PLCE1: variants seen among roughly 807,000 people sequenced by gnomAD.
PLCE1 encodes the protein 1-phosphatidylinositol 4,5-bisphosphate phosphodiesterase epsilon-1.
PLCE1 carries 119 observed loss-of-function variants against 242.8 expected under a neutral mutation model. That is an observed-to-expected ratio of 0.49 (90% confidence interval 0.42 to 0.57). The LOEUF is 0.57. Ranked by LOEUF, PLCE1 falls within the 20% of genes least tolerant of loss-of-function variation. PLCE1 has a pLI of 0.00. For missense variants in PLCE1, 2,441 were observed against 2,788.8 expected, an observed-to-expected ratio of 0.88 and a Z score of 2.81; for synonymous variants, 945 against 1,017.4, an observed-to-expected ratio of 0.93 and a Z score of 1.35.
intron 22 of PLCE1, chr10:94,287,604 C>G (rs758900697): frequency 6.6e-6 from 1 of 152,016 alleles, no homozygotes; most frequent in Non-Finnish European, 1.5e-5. Flanking sequence ...CCTGTCAGCT[C>G]CCAGGGGTGG....
chr10:94,312,360 T>G (rs964679025), intron 27 of PLCE1, among the ~76,000 whole-genome samples: 3 of 152,224 alleles, frequency 2.0e-5, no homozygotes, highest in Admixed American at 2.0e-4. Context: ...ATGGCTGTGC[T>G]TTTGCCTGCA....
intron 4 of PLCE1, among the ~76,000 whole-genome samples, chr10:94,208,482 C>T (rs759738102): frequency 1.7e-4 from 26 of 152,172 alleles, no homozygotes; most frequent in Non-Finnish European, 2.5e-4. Flanking sequence ...TGTGGTCCCC[C>T]GACCAGCACA....
At chr10:94,206,908 T>TAC (rs2049173183) in intron 4 of PLCE1, among the ~76,000 whole-genome samples, 1 of 152,252 alleles carries the variant, frequency 6.6e-6, no homozygotes, top group Non-Finnish European at 1.5e-5. Flanking sequence ...AACTTTAAAG[T>TAC]ACAGCTGTCA....
chr10:94,006,402 G>A (rs1452821583), intron 1 of PLCE1, among the ~76,000 whole-genome samples: 1 of 152,208 alleles, frequency 6.6e-6, no homozygotes, highest in East Asian at 1.9e-4. Context: ...TTTCTACTGT[G>A]TGGTGGAAAA....
At chr10:94,230,900 G>A (rs1363046909) in intron 5 of PLCE1, among the ~76,000 whole-genome samples, 2 of 152,170 alleles carry the variant, frequency 1.3e-5, no homozygotes, top group African/African-American at 4.8e-5. Context: ...ATGAGCCACT[G>A]CACCTGGCCT....
intron 5 of PLCE1, among the ~76,000 whole-genome samples, chr10:94,231,529 A>C (rs2050143178): frequency 1.3e-5 from 2 of 152,006 alleles, no homozygotes; most frequent in South Asian, 4.1e-4. Flanking sequence ...TTCCTAGTTA[A>C]CACACAATCT....
chr10:94,121,979 CAGG>C (rs2046315249), intron 2 of PLCE1, among the ~76,000 whole-genome samples: 1 of 152,148 alleles, frequency 6.6e-6, no homozygotes, highest in Non-Finnish European at 1.5e-5. Context: ...AAAAGATGAG[CAGG>C]AGTTCAGCCA....
chr10:94,287,453 T>C (rs946949820), intron 22 of PLCE1: 5 of 149,584 alleles, frequency 3.3e-5, no homozygotes, highest in Non-Finnish European at 5.9e-5. Context: ...AAGTCCCTTC[T>C]TACAAGCCAT....
intron 2 of PLCE1, among the ~76,000 whole-genome samples, chr10:94,084,865 T>G (rs1212887387): frequency 2.0e-5 from 3 of 152,218 alleles, no homozygotes; most frequent in Admixed American, 6.5e-5. Flanking sequence ...TCTCAAAATC[T>G]ATCTTAAAAC....
At chr10:94,248,413 C>T (rs2050762038) in intron 8 of PLCE1, among the ~76,000 whole-genome samples, 3 of 152,052 alleles carry the variant, frequency 2.0e-5, no homozygotes, top group Non-Finnish European at 4.4e-5. Context: ...CCAGCCTGGC[C>T]AACATGGCAA....
chr10:94,032,274 T>C (rs2134505182), intron 2 of PLCE1, 22 bp downstream of exon 2: 1 of 1,611,114 alleles, frequency 6.2e-7, no homozygotes. Flanking sequence ...AGTTTCTTTT[T>C]ACCATTTCTT....
chr10:94,279,946 A>G, intron 20 of PLCE1, 35 bp downstream of exon 20: 2 of 1,610,914 alleles, frequency 1.2e-6, no homozygotes, highest in South Asian at 1.1e-5. Context: ...GTGCACAGGA[A>G]AATTCTTGGA....
chr10:94,177,379 T>G (rs902571744), intron 4 of PLCE1, among the ~76,000 whole-genome samples: 4 of 152,216 alleles, frequency 2.6e-5, no homozygotes, highest in Admixed American at 2.6e-4. Flanking sequence ...TTAAAGGCAG[T>G]CTCTCTTTAT....
rs111603833 is a variant in PLCE1 at position 94,100,972 on chromosome 10, C to A, written c.1207-31202C>A. Among the ~76,000 whole-genome samples the A allele has an allele frequency of 4.1e-3, 620 of 152,242 alleles. 3 individuals are homozygous for A. Among genetic ancestry groups the A allele is most frequent in the Middle Eastern group, 0.027 (8 of 294 alleles). On this transcript the variant is annotated intron_variant, in intron 2 of 32. Coordinates refer to ENST00000371380, the MANE Select transcript of PLCE1 (RefSeq NM_016341.4). ...AGCTGTAGTTACCACAAAGAGGGAA[C>A]AGCATTTACAGAAGCCTAGAAGTGA...
At position 94,324,928 on chromosome 10, in the gene PLCE1, G is replaced by T. The variant is rs180876175; in HGVS notation, c.6757G>T (p.Ala2253Ser). Residue 2253 changes from alanine to serine, a missense_variant, in exon 32 of 33, where the codon GCA (alanine) becomes TCA (serine). Physicochemically the swap from Ala to Ser is moderately conservative, Grantham distance 99 (BLOSUM62 1). Transcript: ENST00000371380. Reference sequence around the variant, plus strand: ...AGATAAAAAGAAAGGCATTTCTTTCGCAAGTGAACTCAAGAAGCTCACCAA... The same window carrying T: ...AGATAAAAAGAAAGGCATTTCTTTCTCAAGTGAACTCAAGAAGCTCACCAA... ...REDKKKGISF[A>S]SELKKLTKST... 5 of 1,613,990 alleles carry T rather than the reference G, an allele frequency of 3.1e-6. No individual in the cohort carries two copies. Among genetic ancestry groups the T allele is most frequent in the Non-Finnish European group, 3.4e-6 (4 of 1,180,022 alleles).
At chr10:94,180,823 C>T (rs563801343) in intron 4 of PLCE1, among the ~76,000 whole-genome samples, 1 of 152,338 alleles carries the variant, frequency 6.6e-6, no homozygotes, top group Admixed American at 6.5e-5. Flanking sequence ...TCACCTTCTG[C>T]CATGTGAGGA....
At chr10:94,313,955 C>T (rs2053479036) in intron 28 of PLCE1, among the ~76,000 whole-genome samples, 1 of 152,144 alleles carries the variant, frequency 6.6e-6, no homozygotes, top group African/African-American at 2.4e-5. Context: ...ATTTGAGGTC[C>T]TCTCCTTTTG....
intron 2 of PLCE1, among the ~76,000 whole-genome samples, chr10:94,060,240 C>T (rs757677733): frequency 2.6e-5 from 4 of 151,628 alleles, no homozygotes; most frequent in Non-Finnish European, 5.9e-5. Flanking sequence ...CTACTTATTT[C>T]ATTATGTGTT....
intron 4 of PLCE1, among the ~76,000 whole-genome samples, chr10:94,213,531 C>A (rs1370007428): frequency 6.6e-6 from 1 of 152,180 alleles, no homozygotes; most frequent in African/African-American, 2.4e-5. Context: ...AGAGCCCTGA[C>A]CCAGACCTCT....
Sources: gnomAD v4.1 joint callset for allele counts (sites outside exome capture counted in the v4.1 genomes callset) on GRCh38, gnomAD v4.1.1 for gene constraint, MANE v1.5 for transcripts, NCBI Gene and HGNC (gene_info 2026-07-23, HGNC 2026-07-21) for gene names.